RBMS2: variants seen among roughly 807,000 people sequenced by gnomAD.
The protein encoded by RBMS2 is RNA-binding motif, single-stranded-interacting protein 2.
Under a neutral mutation model 58.4 loss-of-function variants are expected in RBMS2, and 38 were observed. The observed-to-expected ratio is 0.65, with a 90% confidence interval of 0.50 to 0.85. The LOEUF (loss-of-function observed/expected upper bound fraction) is 0.85, where lower values mean the gene tolerates loss of function less well. Ranked by LOEUF, RBMS2 falls within the 40% of genes least tolerant of loss-of-function variation. The probability of loss-of-function intolerance (pLI) is 0.00; values close to 1 mark genes in which losing one functional copy is unlikely to be tolerated. For missense variants in RBMS2, 367 were observed against 503.7 expected, an observed-to-expected ratio of 0.73 and a Z score of 2.60; for synonymous variants, 151 against 180.7, an observed-to-expected ratio of 0.84 and a Z score of 1.32.
chr12:56,550,423 A>G (rs1384242583), intron 1 of RBMS2, among the ~76,000 whole-genome samples: 1 of 152,078 alleles, frequency 6.6e-6, no homozygotes, highest in African/African-American at 2.4e-5. Context: ...TCAGTTACTC[A>G]GGAGGCTGAG....
At chr12:56,554,714 T>G (rs1174828075) in intron 1 of RBMS2, among the ~76,000 whole-genome samples, 1 of 152,110 alleles carries the variant, frequency 6.6e-6, no homozygotes, top group Non-Finnish European at 1.5e-5. Context: ...AACTCGCACA[T>G]GTATCCTGAA....
chr12:56,570,427 A>G (rs1480809121), intron 4 of RBMS2, among the ~76,000 whole-genome samples: 2 of 152,014 alleles, frequency 1.3e-5, no homozygotes, highest in Non-Finnish European at 1.5e-5. Flanking sequence ...TGGGCTGGGG[A>G]GGCAGGAGGG....
chr12:56,571,969 T>C, intron 5 of RBMS2, 114 bp downstream of exon 5: 1 of 1,125,698 alleles, frequency 8.9e-7, no homozygotes, highest in Non-Finnish European at 1.2e-6. Context: ...TTTACTATTA[T>C]TCAAAAATAC....
Position 56,591,023 on chromosome 12 carries a change from CTA to C in RBMS2, c.*1893_*1894del, listed in dbSNP as rs1372274226. ...CTGTCCCCTTCTGCAAGATGTGACT[CTA>C]TACACATGGAGACAGATTGAAGAAA... On this transcript the variant is annotated 3_prime_UTR_variant, in exon 14 of 14. Transcript: ENST00000262031. 6.6e-6 allele frequency: 1 copy of C among 152,194 alleles called. No homozygotes were observed. The highest frequency in any genetic ancestry group is 2.4e-5 in the African/African-American group (1 of 41,446). 9.4% of individuals were successfully genotyped at this position (152,194 alleles called of 1,614,324 possible).
intron 1 of RBMS2, among the ~76,000 whole-genome samples, chr12:56,522,970 C>G (rs528126037): frequency 6.6e-6 from 1 of 152,290 alleles, no homozygotes; most frequent in South Asian, 2.1e-4. Flanking sequence ...AAAAATGTGA[C>G]ATAGACATTT....
At chr12:56,538,499 A>G (rs561433041) in intron 1 of RBMS2, among the ~76,000 whole-genome samples, 126 of 104,940 alleles carry the variant, frequency 1.2e-3, no homozygotes, top group African/African-American at 4.7e-3. Flanking sequence ...TTTTTCTGAG[A>G]CGGAGTCTCA....
intron 5 of RBMS2, among the ~76,000 whole-genome samples, chr12:56,574,536 C>T (rs1046220682): frequency 1.3e-5 from 2 of 152,200 alleles, no homozygotes; most frequent in Non-Finnish European, 2.9e-5. Flanking sequence ...CATTCTCCAA[C>T]AGATATTGCT....
chr12:56,573,751 CTT>C (rs35292811), intron 5 of RBMS2, among the ~76,000 whole-genome samples: 11 of 139,834 alleles, frequency 7.9e-5, no homozygotes, highest in Admixed American at 1.4e-4. Flanking sequence ...ATGGTCCACA[CTT>C]TTTTTTTTTT....
Position 56,588,315 on chromosome 12 carries a change from A to G in RBMS2, c.1084A>G (p.Met362Val). 1.9e-6 allele frequency: 3 copies of G among 1,613,924 alleles called. No homozygotes were observed. Among genetic ancestry groups the G allele is most frequent in the South Asian group, 1.1e-5 (1 of 91,074 alleles). The stretch of plus-strand genomic sequence containing the variant: ...CTAGTATATGCCGACGGCTGCAGCT[A>G]TGCAAGGAGCTTACATCTCCCAGTA... The part of the protein sequence containing the change: ...TGTYMPTAAA[M>V]QGAYISQYTP... Residue 362 changes from methionine (M) to valine (V), a missense_variant, in exon 12 of 14, where the codon ATG becomes GTG. Physicochemically the swap from Met to Val is conservative, Grantham distance 21. This residue lies in a region of RBMS2 where 220 missense variants were observed against 261.1 expected (regional missense o/e 0.84). Coordinates refer to ENST00000262031, the MANE Select transcript of RBMS2 (RefSeq NM_002898.4).
chr12:56,567,471 A>T (rs1881565616), intron 2 of RBMS2, among the ~76,000 whole-genome samples: 3 of 151,814 alleles, frequency 2.0e-5, no homozygotes, highest in Non-Finnish European at 1.5e-5. Context: ...AAGAAGGAAG[A>T]AGAAGAAGAA....
chr12:56,531,539 G>A (rs1222408046), intron 1 of RBMS2, among the ~76,000 whole-genome samples: 1 of 151,992 alleles, frequency 6.6e-6, no homozygotes, highest in African/African-American at 2.4e-5. Flanking sequence ...TTAAAGTACT[G>A]ATATATTGGC....
At chr12:56,568,833 GTTTC>G (rs1469089284) in intron 2 of RBMS2, 138 bp from the exon 3 acceptor site, 10 of 715,178 alleles carry the variant, frequency 1.4e-5, no homozygotes, top group Admixed American at 3.0e-5. Context: ...CCCGGCCCCC[GTTTC>G]TTTTTTATTT....
chr12:56,535,244 C>G (rs1247222167), intron 1 of RBMS2, among the ~76,000 whole-genome samples: 1 of 152,104 alleles, frequency 6.6e-6, no homozygotes, highest in Non-Finnish European at 1.5e-5. Context: ...CCTGTAACCT[C>G]AGCACTTTGG....
intron 1 of RBMS2, among the ~76,000 whole-genome samples, chr12:56,561,622 T>A (rs1254741000): frequency 6.6e-6 from 1 of 151,196 alleles, no homozygotes; most frequent in East Asian, 1.9e-4. Context: ...TTCTTCTGCC[T>A]CAACCTCCTG....
At chr12:56,545,660 A>G (rs1189088092) in intron 1 of RBMS2, among the ~76,000 whole-genome samples, 1 of 152,138 alleles carries the variant, frequency 6.6e-6, no homozygotes, top group African/African-American at 2.4e-5. Flanking sequence ...TGGACATTTT[A>G]TATAGATGGA....
At chr12:56,522,884 G>C (rs1317313263) in intron 1 of RBMS2, among the ~76,000 whole-genome samples, 4 of 152,220 alleles carry the variant, frequency 2.6e-5, no homozygotes, top group Non-Finnish European at 1.5e-5. Context: ...ACAGCATACT[G>C]ATTAGGAGGA....
Position 56,562,487 on chromosome 12 carries a change from GAAGC to G in RBMS2, c.140_143del (p.Ser47MetfsTer6). Reference sequence around the variant, plus strand: ...AACAGTACACCTAACAGCAGTAGTGGAAGCAATGGAAATGACCAGCTGAGCAAAA... The same window carrying G: ...AACAGTACACCTAACAGCAGTAGTGGAATGGAAATGACCAGCTGAGCAAAA... On this transcript the variant is annotated frameshift_variant, in exon 2 of 14. Transcript: ENST00000262031. LOFTEE classifies it high-confidence loss of function. The G allele has an allele frequency of 5.6e-6, 9 of 1,606,668 alleles. No individual in the cohort carries two copies. Among genetic ancestry groups the G allele is most frequent in the Non-Finnish European group, 7.7e-6 (9 of 1,173,160 alleles).
At chr12:56,525,550 G>A (rs1351758885) in intron 1 of RBMS2, among the ~76,000 whole-genome samples, 1 of 152,016 alleles carries the variant, frequency 6.6e-6, no homozygotes, top group African/African-American at 2.4e-5. Context: ...TTGAGACAGG[G>A]TATCACTCTG....
chr12:56,583,706 G>C (rs1884293368), intron 9 of RBMS2, among the ~76,000 whole-genome samples: 1 of 151,792 alleles, frequency 6.6e-6, no homozygotes, highest in Non-Finnish European at 1.5e-5. Flanking sequence ...AAAGTACATC[G>C]TTATTTTAAT....
Sources: allele counts gnomAD v4.1 joint callset (sites outside exome capture counted in the v4.1 genomes callset), GRCh38; gene constraint gnomAD v4.1.1; regional missense constraint gnomAD v4.1.1; transcripts MANE v1.5; gene names NCBI Gene and HGNC (gene_info 2026-07-23, HGNC 2026-07-21).